The following CAPZB variants were observed in gnomAD, a reference collection of about 807,000 sequenced individuals.
CAPZB encodes the protein capping actin protein of muscle Z-line subunit beta.
Under a neutral mutation model 38.1 loss-of-function variants are expected in CAPZB, and 2 were observed. The ratio of observed to expected loss-of-function variants is 0.05; its 90% CI spans 0.02 to 0.17. The LOEUF (loss-of-function observed/expected upper bound fraction) is 0.17, where lower values mean the gene tolerates loss of function less well. CAPZB is among the 10% of genes least tolerant of loss of function. The pLI is 1.00. For synonymous variants in CAPZB, 107 were observed against 127.4 expected, an observed-to-expected ratio of 0.84 and a Z score of 1.08; for missense variants, 161 against 334.2, an observed-to-expected ratio of 0.48 and a Z score of 4.04.
intron 1 of CAPZB, among the ~76,000 whole-genome samples, chr1:19,441,988 G>A (rs1157628977): frequency 6.0e-5 from 7 of 116,452 alleles, no homozygotes; most frequent in Admixed American, 5.1e-4. Context: ...CAGCCTGGGC[G>A]ACAGAGCAAG....
chr1:19,381,039 T>G (rs536097608), intron 3 of CAPZB, among the ~76,000 whole-genome samples: 3 of 151,956 alleles, frequency 2.0e-5, no homozygotes, highest in South Asian at 4.2e-4. Flanking sequence ...TGTGGTGGCA[T>G]GCACCTGTAA....
Position 19,378,780 on chromosome 1 carries a change from T to C in CAPZB, c.216-127A>G. On this transcript the variant is annotated intron_variant, in intron 3 of 8. Coordinates refer to ENST00000264202, the MANE Select transcript of CAPZB (RefSeq NM_004930.5). ...AAGCCGCTAACTCCAGCAAAGATTT[T>C]TCTGGGTCCTGGCAACAAACAGGGC... The C allele has an allele frequency of 1.6e-5, 10 of 607,998 alleles. No homozygotes were observed. In the South Asian group the frequency reaches 1.9e-4, roughly 12 times the overall value. 37.7% of individuals were successfully genotyped at this position (607,998 alleles called of 1,614,324 possible).
chr1:19,439,137 G>A (rs1391144060), intron 1 of CAPZB, among the ~76,000 whole-genome samples: 3 of 152,134 alleles, frequency 2.0e-5, no homozygotes, highest in African/African-American at 7.2e-5. Flanking sequence ...GAAGCCTCCC[G>A]GCTTGGGCTG....
chr1:19,466,057 C>CCCAGGAGCCCAGCTACCAT (rs1172172328), intron 1 of CAPZB, among the ~76,000 whole-genome samples: 3 of 152,094 alleles, frequency 2.0e-5, no homozygotes, highest in Non-Finnish European at 4.4e-5. Flanking sequence ...GCAGTCTGGC[C>CCCAGGAGCCCAGCTACCAT]CCAGGAGCCC....
intron 1 of CAPZB, among the ~76,000 whole-genome samples, chr1:19,455,618 T>G (rs1348817781): frequency 6.6e-6 from 1 of 152,208 alleles, no homozygotes; most frequent in East Asian, 1.9e-4. Flanking sequence ...CTGGCCTATT[T>G]ACTCTTATCT....
At chr1:19,463,444 A>C (rs1053174537) in intron 1 of CAPZB, among the ~76,000 whole-genome samples, 1 of 152,204 alleles carries the variant, frequency 6.6e-6, no homozygotes, top group Non-Finnish European at 1.5e-5. Flanking sequence ...GATTTCTTAG[A>C]AGTCAGTAAA....
intron 6 of CAPZB, among the ~76,000 whole-genome samples, chr1:19,347,051 G>A (rs966857620): frequency 1.3e-5 from 2 of 151,298 alleles, no homozygotes; most frequent in Non-Finnish European, 2.9e-5. Flanking sequence ...ATGTTGGCCA[G>A]GCTGGTCTTG....
intron 1 of CAPZB, among the ~76,000 whole-genome samples, chr1:19,476,176 A>G (rs1377620467): frequency 3.0e-4 from 6 of 19,684 alleles, no homozygotes; most frequent in Admixed American, 7.7e-4. Flanking sequence ...AAGTAGATAG[A>G]TAGATAGATA....
intron 1 of CAPZB, among the ~76,000 whole-genome samples, chr1:19,462,260 G>A (rs1190108996): frequency 5.3e-5 from 8 of 151,344 alleles, no homozygotes; most frequent in Non-Finnish European, 1.0e-4. Context: ...AGACCATCCT[G>A]GCTAACACGG....
intron 4 of CAPZB, among the ~76,000 whole-genome samples, chr1:19,370,565 AC>A (rs1286316621): frequency 2.0e-5 from 3 of 152,020 alleles, no homozygotes; most frequent in Non-Finnish European, 4.4e-5. Flanking sequence ...ACTACTAAGC[AC>A]CCTCTACCTA....
intron 2 of CAPZB, among the ~76,000 whole-genome samples, chr1:19,398,092 T>C (rs1177795519): frequency 6.6e-6 from 1 of 152,030 alleles, no homozygotes; most frequent in Admixed American, 6.5e-5. Context: ...CAGGCAACCA[T>C]GGGCAATGGC....
chr1:19,364,766 A>C (rs1159900563), intron 4 of CAPZB, among the ~76,000 whole-genome samples: 1 of 152,186 alleles, frequency 6.6e-6, no homozygotes, highest in Admixed American at 6.5e-5. Context: ...AGACCAAATT[A>C]GCTTTCATTA....
At chr1:19,422,234 G>A (rs1270005283) in intron 1 of CAPZB, among the ~76,000 whole-genome samples, 2 of 152,162 alleles carry the variant, frequency 1.3e-5, no homozygotes, top group African/African-American at 2.4e-5. Context: ...TGGGAGAGAA[G>A]AAACTACTGA....
chr1:19,484,557 C>A, intron 1 of CAPZB: 1 of 1,272,696 alleles, frequency 7.9e-7, no homozygotes, highest in Non-Finnish European at 1.0e-6. Context: ...GGCGGCCTCC[C>A]TAGAAGCGGC....
rs532876346 is a variant in CAPZB, at chr1:19,385,620, T to C, written c.100A>G (p.Ser34Gly). Residue 34 changes from serine to glycine, a missense_variant, in exon 3 of 9, where the codon AGT (serine) becomes GGT (glycine). Ser to Gly is a moderately conservative substitution (Grantham distance 56, BLOSUM62 0). Transcript: ENST00000264202. The part of the protein sequence containing the change: ...NLSDLIDLVP[S>G]LCEDLLSSVD... ...GAAGACAGGAGATCCTCACATAGAC[T>C]GGGGACCTGGCAGAGAGAAAGGACA... 2.5e-6 allele frequency: 4 copies of C among 1,614,054 alleles called. No homozygotes were observed. The highest frequency in any genetic ancestry group is 1.1e-5 in the South Asian group (1 of 91,090).
chr1:19,458,001 G>A (rs570017318), intron 1 of CAPZB, among the ~76,000 whole-genome samples: 1 of 151,274 alleles, frequency 6.6e-6, no homozygotes, highest in Non-Finnish European at 1.5e-5. Context: ...AAAGTCTTAG[G>A]TCATAATAAT....
In CAPZB at chr1:19,378,602, C is replaced by T. The variant is rs372623313; in HGVS notation, c.267G>A (p.Pro89=). Residue 89 remains proline, a synonymous_variant, in exon 4 of 9, where the codon CCG becomes CCA. Coordinates refer to ENST00000264202, the MANE Select transcript of CAPZB (RefSeq NM_004930.5). The stretch of plus-strand genomic sequence containing the variant: ...CCTCCAGCTTTCTCAGCCGAGCTGA[C>T]GGCATGGCCCCATCCTCCAAGGGAG... ...YDPPLEDGAM[P]SARLRKLEVE... The T allele has an allele frequency of 2.2e-5, 36 of 1,613,354 alleles. No homozygotes were observed. In the South Asian group the frequency reaches 2.7e-4, roughly 12 times the overall value.
At chr1:19,354,719 A>G (rs2094010898) in intron 6 of CAPZB, among the ~76,000 whole-genome samples, 1 of 152,170 alleles carries the variant, frequency 6.6e-6, no homozygotes, top group Non-Finnish European at 1.5e-5. Flanking sequence ...AGGAGGGCTG[A>G]GGATTAAATA....
chr1:19,356,419 T>TCAGCAGGAGGC lies in CAPZB; in HGVS notation c.588+205_588+215dup, dbSNP rs1553268769. ...AGCCACAGCCAGCACCCGGCCTCCC[T>TCAGCAGGAGGC]CAGCAGGAGGCCAGCAGAGTGCCAG... On this transcript the variant is annotated intron_variant, in intron 6 of 8. Coordinates refer to ENST00000264202, the MANE Select transcript of CAPZB (RefSeq NM_004930.5). The surrounding 1 kb of genome is among the most constrained non-coding windows in gnomAD (Gnocchi z 4.3). Among the ~76,000 whole-genome samples, 4 of 152,198 alleles carry TCAGCAGGAGGC rather than the reference T, an allele frequency of 2.6e-5. No homozygotes were observed. Among genetic ancestry groups the TCAGCAGGAGGC allele is most frequent in the African/African-American group, 9.6e-5 (4 of 41,452 alleles).
Sources: gnomAD v4.1 joint callset for allele counts (sites outside exome capture counted in the v4.1 genomes callset) on GRCh38, gnomAD v4.1.1 for gene constraint, Gnocchi (gnomAD v3.1) non-coding constraint, MANE v1.5 for transcripts, NCBI Gene and HGNC (gene_info 2026-07-23, HGNC 2026-07-21) for gene names.